The following SP100 variants were observed in gnomAD, a reference collection of about 807,000 sequenced individuals.
SP100 encodes SP100 nuclear body protein.
A neutral mutation model predicts 130.0 loss-of-function variants in SP100; 84 were observed. That is an observed-to-expected ratio of 0.65 (90% CI 0.54 to 0.77). The LOEUF (loss-of-function observed/expected upper bound fraction) is 0.77, where lower values mean the gene tolerates loss of function less well. SP100 is among the 30% of genes least tolerant of loss of function. The probability of loss-of-function intolerance (pLI) is 0.00; values close to 1 mark genes in which losing one functional copy is unlikely to be tolerated. For synonymous variants in SP100, 331 were observed against 351.7 expected, an observed-to-expected ratio of 0.94 and a Z score of 0.66; for missense variants, 978 against 1,052.2, an observed-to-expected ratio of 0.93 and a Z score of 0.97.
At chr2:230,435,056 G>T (rs577232677) in intron 2 of SP100, among the ~76,000 whole-genome samples, 2 of 152,178 alleles carry the variant, frequency 1.3e-5, no homozygotes, top group East Asian at 1.9e-4. Flanking sequence ...TCAGTCTGTA[G>T]TATATCTTAA....
intron 2 of SP100, among the ~76,000 whole-genome samples, chr2:230,436,888 A>G (rs1373064290): frequency 6.7e-6 from 1 of 150,150 alleles, no homozygotes; most frequent in African/African-American, 2.5e-5. Context: ...ACACACACAT[A>G]TATGTGTATA....
At chr2:230,516,689 TA>T (rs911930429) in intron 24 of SP100, among the ~76,000 whole-genome samples, 4 of 152,142 alleles carry the variant, frequency 2.6e-5, no homozygotes, top group African/African-American at 9.6e-5. Flanking sequence ...GCCTTTTCCA[TA>T]AAAAAGCAAT....
chr2:230,453,369 A>G (rs2064112988), intron 8 of SP100, among the ~76,000 whole-genome samples: 1 of 152,200 alleles, frequency 6.6e-6, no homozygotes, highest in South Asian at 2.1e-4. Context: ...GCAAGACCAT[A>G]TCAGCATCCT....
At position 230,540,943 on chromosome 2, in the gene SP100, G is replaced by A. The variant is rs1298974893; in HGVS notation, c.2278G>A (p.Gly760Ser). 24 of 1,613,656 alleles carry A rather than the reference G, an allele frequency of 1.5e-5. No homozygotes were observed. The highest frequency in any genetic ancestry group is 2.0e-5 in the Non-Finnish European group (24 of 1,179,750). The part of the protein sequence containing the change: ...IQERCPESQS[G>S]HQESEVLMRQ... ...GGAAAGATGCCCAGAAAGCCAATCA[G>A]GTCATCAGGAATCTGAAGTCCTGAT... Residue 760 changes from glycine to serine, a missense_variant, in exon 26 of 29, where the codon GGT (glycine) becomes AGT (serine). Transcript: ENST00000340126.
At chr2:230,492,235 T>C (rs1028443960) in intron 17 of SP100, among the ~76,000 whole-genome samples, 2 of 152,206 alleles carry the variant, frequency 1.3e-5, no homozygotes, top group African/African-American at 2.4e-5. Context: ...TTTGGATTCC[T>C]ACCTATAAAA....
chr2:230,475,118 C>T (rs1026364310), intron 17 of SP100, among the ~76,000 whole-genome samples: 3 of 152,146 alleles, frequency 2.0e-5, no homozygotes, highest in African/African-American at 7.2e-5. Context: ...GCCACACTGT[C>T]TTCCACAATG....
At chr2:230,465,289 C>T (rs1015848267) in intron 11 of SP100, among the ~76,000 whole-genome samples, 1 of 151,840 alleles carries the variant, frequency 6.6e-6, no homozygotes, top group African/African-American at 2.4e-5. Flanking sequence ...GATCCAGCTA[C>T]TCGGGAGGCT....
intron 17 of SP100, among the ~76,000 whole-genome samples, chr2:230,488,437 G>A (rs897672867): frequency 2.0e-5 from 3 of 152,014 alleles, no homozygotes; most frequent in Admixed American, 6.5e-5. Context: ...TTTTTGAGAC[G>A]GAGTCTCAGT....
chr2:230,452,522 C>T (rs115626100), intron 8 of SP100, among the ~76,000 whole-genome samples: 2 of 152,250 alleles, frequency 1.3e-5, no homozygotes, highest in African/African-American at 4.8e-5. Context: ...TAGAGGACTT[C>T]GAGTTGTCTG....
intron 17 of SP100, 107 bp downstream of exon 17, chr2:230,474,554 A>C: frequency 1.6e-6 from 1 of 642,818 alleles, no homozygotes; most frequent in Admixed American, 2.8e-5. Context: ...ATTATAGATT[A>C]AAGGGTGCAT....
chr2:230,515,470 A>G (rs1195649694), intron 24 of SP100: 3 of 1,613,840 alleles, frequency 1.9e-6, no homozygotes, highest in South Asian at 2.2e-5. Context: ...GAAGGCTGCA[A>G]AGCTGAAGGA....
chr2:230,464,028 C>T, intron 10 of SP100, 39 bp from the exon 11 acceptor site: 1 of 1,360,426 alleles, frequency 7.4e-7, no homozygotes, highest in Non-Finnish European at 1.1e-6. Context: ...TCCTTGGTCA[C>T]ACACTGAGAC....
intron 24 of SP100, among the ~76,000 whole-genome samples, chr2:230,517,892 GT>G (rs1340808841): frequency 6.6e-6 from 1 of 151,802 alleles, no homozygotes; most frequent in Non-Finnish European, 1.5e-5. Flanking sequence ...CAAATTTTTT[GT>G]TTTTTATTAG....
chr2:230,469,473 AAAGCCTAAG>A, intron 14 of SP100: 1 of 465,820 alleles, frequency 2.1e-6, no homozygotes, highest in South Asian at 1.5e-5. Flanking sequence ...ACTAATAATG[AAAGCCTAAG>A]AAGCGTAAGA....
At position 230,540,971 on chromosome 2, in the gene SP100, G is replaced by C; in HGVS notation, c.2306G>C (p.Arg769Thr). Residue 769 changes from arginine to threonine, a missense_variant, in exon 26 of 29, where the codon AGG becomes ACG. Coordinates refer to ENST00000340126, the MANE Select transcript of SP100 (RefSeq NM_001080391.2). Reference protein sequence around the residue: ...SGHQESEVLMRQMLPEEQLKC... With the variant: ...SGHQESEVLMTQMLPEEQLKC... ...CATCAGGAATCTGAAGTCCTGATGA[G>C]GCAGATGCTGCCTGAGGAGCAGTTG... 1.9e-6 allele frequency: 3 copies of C among 1,611,446 alleles called. No individual in the cohort carries two copies. The South Asian group carries it at 3.3e-5, about 18-fold the overall frequency.
At chr2:230,470,445 T>C in intron 15 of SP100, 1 of 988,518 alleles carries the variant, frequency 1.0e-6, no homozygotes, top group African/African-American at 1.7e-5. Flanking sequence ...ATCATTGTCA[T>C]TTGTAATTGT....
At chr2:230,531,541 A>T (rs558759144) in intron 24 of SP100, among the ~76,000 whole-genome samples, 1 of 152,158 alleles carries the variant, frequency 6.6e-6, no homozygotes, top group African/African-American at 2.4e-5. Context: ...AAGTATATTT[A>T]AAAAAAGAAA....
chr2:230,430,232 T>C (rs982357349), intron 2 of SP100, among the ~76,000 whole-genome samples: 4 of 152,200 alleles, frequency 2.6e-5, no homozygotes, highest in Admixed American at 6.5e-5. Flanking sequence ...GCCTGTGCTC[T>C]GAGGTTGGGT....
chr2:230,442,278 T>C lies in SP100; in HGVS notation c.108-659T>C, dbSNP rs115500015. Among the ~76,000 whole-genome samples, 31 of 152,308 alleles carry C rather than the reference T, an allele frequency of 2.0e-4. 1 individual carries two copies. Among genetic ancestry groups the C allele is most frequent in the African/African-American group, 7.2e-4 (30 of 41,566 alleles). ...ACTTTCATAGGAAACGGCAACAATT[T>C]CTGAAATTCAGATGCCTAAAATGAT... On this transcript the variant is annotated intron_variant, in intron 2 of 28. Coordinates refer to ENST00000340126, the MANE Select transcript of SP100 (RefSeq NM_001080391.2).
Sources: allele counts gnomAD v4.1 joint callset (sites outside exome capture counted in the v4.1 genomes callset), GRCh38; gene constraint gnomAD v4.1.1; transcripts MANE v1.5; gene names NCBI Gene and HGNC (gene_info 2026-07-23, HGNC 2026-07-21).